Variants in DNAH6 observed in about 807,000 individuals in gnomAD.
DNAH6 encodes axonemal beta dynein heavy chain 6.
DNAH6 carries 340 observed loss-of-function variants against 491.4 expected under a neutral mutation model. The ratio of observed to expected loss-of-function variants is 0.69; its 90% confidence interval spans 0.63 to 0.76. The LOEUF (loss-of-function observed/expected upper bound fraction) is 0.76, where lower values mean the gene tolerates loss of function less well. DNAH6 is among the 30% of genes least tolerant of loss of function. The pLI, the probability that DNAH6 is intolerant of heterozygous loss-of-function variation, is 0.00. For synonymous variants in DNAH6, 1,603 were observed against 1,686.1 expected, an observed-to-expected ratio of 0.95 and a Z score of 1.21; for missense variants, 4,443 against 4,972.2, an observed-to-expected ratio of 0.89 and a Z score of 3.20.
intron 59 of DNAH6, 70 bp from the exon 60 acceptor site, chr2:84,722,555 A>G: frequency 7.7e-7 from 1 of 1,299,712 alleles, no homozygotes; most frequent in South Asian, 1.4e-5. Flanking sequence ...ACCTAACTGG[A>G]TACATTCCAG....
At chr2:84,549,867 AT>A in intron 8 of DNAH6, 21 bp from the exon 9 acceptor site, 1 of 1,568,710 alleles carries the variant, frequency 6.4e-7, no homozygotes. Context: ...CCGAAATTGT[AT>A]TAGTTTTTTT....
chr2:84,817,728 T>C (rs1006978598), intron 76 of DNAH6, among the ~76,000 whole-genome samples: 1 of 152,216 alleles, frequency 6.6e-6, no homozygotes, highest in Admixed American at 6.5e-5. Context: ...TGCCAGCATC[T>C]GCTTCTGGTG....
At chr2:84,561,681 A>C (rs942665292) in intron 11 of DNAH6, among the ~76,000 whole-genome samples, 1 of 152,202 alleles carries the variant, frequency 6.6e-6, no homozygotes, top group African/African-American at 2.4e-5. Context: ...CAATGAACTC[A>C]AACAAATTTA....
chr2:84,604,351 A>T lies in DNAH6; in HGVS notation c.2881A>T (p.Ile961Phe). The change falls in exon 19 of 77, where the codon ATT (isoleucine) becomes TTT (phenylalanine). Residue 961 changes from isoleucine to phenylalanine, a missense_variant. By Grantham distance (21) the Ile-to-Phe change is conservative (BLOSUM62 0). Coordinates refer to ENST00000389394, the MANE Select transcript of DNAH6 (RefSeq NM_001370.2). ...GTTTGTTTTTCAGCTTCCAGTTATC[A>T]TTGACTTGAGGAACCCGACTTTGAA... ...EKMKEKLPVI[I>F]DLRNPTLKAR... 43 of 1,552,020 alleles carry T rather than the reference A, an allele frequency of 2.8e-5. No individual in the cohort carries two copies. Among genetic ancestry groups the T allele is most frequent in the Non-Finnish European group, 3.7e-5 (43 of 1,146,936 alleles).
intron 74 of DNAH6, 48 bp from the exon 75 acceptor site, chr2:84,813,923 G>A (rs1680244340): frequency 2.6e-6 from 4 of 1,542,570 alleles, no homozygotes; most frequent in Non-Finnish European, 3.5e-6. Flanking sequence ...AGTGCCTGGG[G>A]AGTAGCAGTG....
intron 61 of DNAH6, among the ~76,000 whole-genome samples, chr2:84,732,050 A>C (rs959625125): frequency 1.3e-5 from 2 of 152,146 alleles, no homozygotes; most frequent in African/African-American, 4.8e-5. Flanking sequence ...CTAAGGCTGC[A>C]CCCCTTGAGG....
At chr2:84,746,924 C>A (rs1462839875) in intron 63 of DNAH6, among the ~76,000 whole-genome samples, 1 of 152,138 alleles carries the variant, frequency 6.6e-6, no homozygotes, top group Non-Finnish European at 1.5e-5. Flanking sequence ...AGACACCAGA[C>A]TGTTTTAAAC....
chr2:84,751,391 G>A (rs1442006254), intron 63 of DNAH6, among the ~76,000 whole-genome samples: 1 of 152,154 alleles, frequency 6.6e-6, no homozygotes, highest in African/African-American at 2.4e-5. Flanking sequence ...TGCTCTATTG[G>A]GAGAAGGAGG....
chr2:84,645,505 C>T (rs1465501452), intron 33 of DNAH6, among the ~76,000 whole-genome samples: 2 of 151,286 alleles, frequency 1.3e-5, no homozygotes, highest in East Asian at 1.9e-4. Flanking sequence ...CTCTATTGAT[C>T]AGTAATGTTG....
At chr2:84,671,643 C>A (rs1692748508) in intron 39 of DNAH6, among the ~76,000 whole-genome samples, 1 of 152,128 alleles carries the variant, frequency 6.6e-6, no homozygotes, top group Non-Finnish European at 1.5e-5. Flanking sequence ...CCTTCCTTAC[C>A]CCCCACCCCT....
At chr2:84,723,808 T>C (rs1466381556) in intron 60 of DNAH6, among the ~76,000 whole-genome samples, 1 of 152,222 alleles carries the variant, frequency 6.6e-6, no homozygotes, top group Non-Finnish European at 1.5e-5. Context: ...GTCTCATGAG[T>C]AGGATGTTTT....
chr2:84,813,239 C>T lies in DNAH6; in HGVS notation c.11998+109C>T, dbSNP rs968903233. The T allele has an allele frequency of 3.0e-5, 24 of 808,432 alleles. No homozygotes were observed. The African/African-American group carries it at 3.1e-4, about 10-fold the overall frequency. 50.1% of individuals were successfully genotyped at this position (808,432 alleles called of 1,614,324 possible). Reference sequence around the variant, plus strand: ...GGCTGCTAATGCTCTAGCAATGAGGCTATTGATCATAGGGCAATCTAACAA... The same window carrying T: ...GGCTGCTAATGCTCTAGCAATGAGGTTATTGATCATAGGGCAATCTAACAA... On this transcript the variant is annotated intron_variant, in intron 74 of 76. Transcript: ENST00000389394.
At chr2:84,508,568 T>C in the DNAH6 span, among the ~76,000 whole-genome samples, 4 of 152,156 alleles carry the variant, frequency 2.6e-5, no homozygotes, top group African/African-American at 7.2e-5. Context: ...TTATTTCCTT[T>C]AGTTCTGCTC....
chr2:84,626,379 A>C (rs1338739785), intron 29 of DNAH6, among the ~76,000 whole-genome samples: 1 of 152,200 alleles, frequency 6.6e-6, no homozygotes, highest in Non-Finnish European at 1.5e-5. Flanking sequence ...TTATGTCTTC[A>C]CTGCTTTGTC....
At chr2:84,664,439 G>T (rs187081409) in intron 37 of DNAH6, among the ~76,000 whole-genome samples, 178 of 152,066 alleles carry the variant, frequency 1.2e-3, no homozygotes, top group African/African-American at 4.1e-3. Context: ...AAAAAAGCAG[G>T]GGTTGCAATC....
chr2:84,533,362 A>G (rs1240346214), intron 4 of DNAH6, among the ~76,000 whole-genome samples: 3 of 152,166 alleles, frequency 2.0e-5, no homozygotes, highest in African/African-American at 4.8e-5. Context: ...ACATTTTGTG[A>G]AACTAATATT....
At chr2:84,674,799 C>T (rs1307471284) in intron 40 of DNAH6, among the ~76,000 whole-genome samples, 2 of 152,160 alleles carry the variant, frequency 1.3e-5, no homozygotes, top group Admixed American at 6.5e-5. Context: ...AAACCTCCCA[C>T]CAGGCCAGCG....
intron 64 of DNAH6, among the ~76,000 whole-genome samples, chr2:84,770,859 A>G (rs1009676434): frequency 3.3e-5 from 5 of 151,936 alleles, no homozygotes; most frequent in African/African-American, 1.2e-4. Flanking sequence ...GCATGGTGGC[A>G]TGCGCCTGTA....
intron 62 of DNAH6, among the ~76,000 whole-genome samples, chr2:84,738,025 C>T (rs1422061421): frequency 1.3e-5 from 2 of 152,020 alleles, no homozygotes; most frequent in African/African-American, 4.8e-5. Context: ...TGCTGCATCC[C>T]AGAGGTTTTG....
Sources: allele counts gnomAD v4.1 joint callset (sites outside exome capture counted in the v4.1 genomes callset), GRCh38; gene constraint gnomAD v4.1.1; transcripts MANE v1.5; gene names NCBI Gene and HGNC (gene_info 2026-07-23, HGNC 2026-07-21).